LRRC4C: variants seen among roughly 807,000 people sequenced by gnomAD.
LRRC4C encodes leucine rich repeat containing 4C, also known as leucine-rich repeat-containing protein 4C.
Under a neutral mutation model 33.6 loss-of-function variants are expected in LRRC4C, and 5 were observed. The observed-to-expected ratio is 0.15, with a 90% CI of 0.08 to 0.31. The LOEUF is 0.31. LRRC4C is among the 10% of genes least tolerant of loss of function. LRRC4C has a pLI of 1.00. For synonymous variants in LRRC4C, 329 were observed against 302.0 expected, an observed-to-expected ratio of 1.09 and a Z score of -0.93; for missense variants, 560 against 796.7, an observed-to-expected ratio of 0.70 and a Z score of 3.58.
chr11:41,134,022 G>A (rs181267174), intron 1 of LRRC4C, among the ~76,000 whole-genome samples: 278 of 152,202 alleles, frequency 1.8e-3, no homozygotes, highest in African/African-American at 6.4e-3. Flanking sequence ...ACTTACTCAA[G>A]GCTTCTTGGG....
intron 5 of LRRC4C, among the ~76,000 whole-genome samples, chr11:40,180,195 A>G (rs1476381941): frequency 1.3e-5 from 2 of 152,282 alleles, no homozygotes. Context: ...TAACATAATT[A>G]TCAAATCAGC....
At position 41,445,866 on chromosome 11, in the gene LRRC4C, A is replaced by ATGTGTGTGTGTGTCTG. The variant is rs536111711; in HGVS notation, c.-496+13564_-496+13565insCAGACACACACACACA. ...ACAGTGTGTATGAATGAGTGACTGCATGTGTGTGTGTGTGTGTGTGTGTGT... is the reference window on the plus strand; with the variant it reads ...ACAGTGTGTATGAATGAGTGACTGCATGTGTGTGTGTGTCTGTGTGTGTGTGTGTGTGTGTGTGTGT... On this transcript the variant is annotated intron_variant, in intron 1 of 6. Transcript: ENST00000528697. Among the ~76,000 whole-genome samples, 833 of 149,806 alleles carry ATGTGTGTGTGTGTCTG rather than the reference A, an allele frequency of 5.6e-3. 3 individuals carry two copies. Among genetic ancestry groups the ATGTGTGTGTGTGTCTG allele is most frequent in the South Asian group, 0.018 (83 of 4,718 alleles).
At chr11:40,755,811 TAAA>T (rs1232285570) in intron 2 of LRRC4C, among the ~76,000 whole-genome samples, 1 of 152,032 alleles carries the variant, frequency 6.6e-6, no homozygotes, top group Non-Finnish European at 1.5e-5. Context: ...TAAGGCAAAA[TAAA>T]AACAAGATTT....
At chr11:41,142,664 A>T (rs1943559191) in intron 1 of LRRC4C, among the ~76,000 whole-genome samples, 1 of 152,124 alleles carries the variant, frequency 6.6e-6, no homozygotes, top group Admixed American at 6.5e-5. Flanking sequence ...ATTGATGGGT[A>T]TTCATGTTAA....
chr11:40,850,058 T>C (rs1207013532), intron 2 of LRRC4C, among the ~76,000 whole-genome samples: 1 of 151,972 alleles, frequency 6.6e-6, no homozygotes, highest in African/African-American at 2.4e-5. Flanking sequence ...CTTAGCTTCC[T>C]TGCATTGGGT....
At chr11:40,924,249 G>C (rs77766215) in intron 2 of LRRC4C, among the ~76,000 whole-genome samples, 9,256 of 152,030 alleles carry the variant, frequency 0.061, 395 homozygotes, top group Admixed American at 0.15. Flanking sequence ...TAAGGTGAGA[G>C]AATAAGAGTT....
Position 41,270,511 on chromosome 11 carries a change from AGGCAG to A in LRRC4C, c.-496+188915_-496+188919del, listed in dbSNP as rs1176166297. 4.6e-5 allele frequency among the ~76,000 whole-genome samples: 7 copies of A among 152,128 alleles called. No individual in the cohort carries two copies. The East Asian group carries it at 1.4e-3, about 29-fold the overall frequency. ...GGAATAGGCATGGGCCCACTTAAAA[AGGCAG>A]GGTCTGCTCTTGGGGTCTGCCTCTT... On this transcript the variant is annotated intron_variant, in intron 1 of 6. Coordinates refer to ENST00000528697, the MANE Select transcript of LRRC4C (RefSeq NM_001258419.2).
intron 2 of LRRC4C, among the ~76,000 whole-genome samples, chr11:40,861,981 A>G (rs999584514): frequency 1.3e-5 from 2 of 152,128 alleles, no homozygotes; most frequent in African/African-American, 2.4e-5. Context: ...CACCTCTCCT[A>G]TGGGGGATCA....
In LRRC4C at chr11:41,448,973, G is replaced by A. The variant is rs572425506; in HGVS notation, c.-496+10458C>T. Among the ~76,000 whole-genome samples the A allele has an allele frequency of 7.9e-4, 120 of 152,322 alleles. 1 individual carries two copies. Among genetic ancestry groups the A allele is most frequent in the Non-Finnish European group, 1.4e-3 (97 of 68,024 alleles). ...TTTTTAAAAGATACTTACATCTAAT[G>A]ACAGAGAAATGAGATAGTTGTCAAA... On this transcript the variant is annotated intron_variant, in intron 1 of 6. Coordinates refer to ENST00000528697, the MANE Select transcript of LRRC4C (RefSeq NM_001258419.2).
At chr11:40,205,746 G>T (rs1030294593) in intron 5 of LRRC4C, among the ~76,000 whole-genome samples, 3 of 152,010 alleles carry the variant, frequency 2.0e-5, no homozygotes, top group African/African-American at 7.2e-5. Flanking sequence ...AGGTAATCAG[G>T]TTATTTTATT....
At chr11:40,292,138 A>G (rs1048155264) in intron 4 of LRRC4C, 1 of 152,086 alleles carries the variant, frequency 6.6e-6, no homozygotes, top group African/African-American at 2.4e-5. Flanking sequence ...GACCAAGAAC[A>G]CCAAATTAAC....
intron 1 of LRRC4C, among the ~76,000 whole-genome samples, chr11:41,295,349 T>C (rs1259133427): frequency 2.0e-5 from 3 of 151,770 alleles, no homozygotes; most frequent in African/African-American, 7.3e-5. Context: ...CAATATGCGG[T>C]AAAAAAAAGC....
At chr11:40,667,894 G>T (rs11036005) in intron 2 of LRRC4C, among the ~76,000 whole-genome samples, 4,736 of 152,272 alleles carry the variant, frequency 0.031, 231 homozygotes, top group African/African-American at 0.11. Context: ...AGGACTATGA[G>T]ATAATGTCTG....
At chr11:41,451,561 A>C (rs1212000955) in intron 1 of LRRC4C, among the ~76,000 whole-genome samples, 1 of 152,110 alleles carries the variant, frequency 6.6e-6, no homozygotes, top group Non-Finnish European at 1.5e-5. Context: ...CATCCAGGAG[A>C]GTCATGGCAG....
chr11:41,134,898 A>G (rs1385366216), intron 1 of LRRC4C, among the ~76,000 whole-genome samples: 1 of 152,194 alleles, frequency 6.6e-6, no homozygotes, highest in Admixed American at 6.6e-5. Context: ...AACAAAATGA[A>G]TGAACACCAT....
At chr11:40,916,369 G>T (rs1438498561) in intron 2 of LRRC4C, among the ~76,000 whole-genome samples, 1 of 152,200 alleles carries the variant, frequency 6.6e-6, no homozygotes, top group African/African-American at 2.4e-5. Context: ...ATGCAGCCAT[G>T]AAAAATGATG....
intron 1 of LRRC4C, among the ~76,000 whole-genome samples, chr11:41,162,022 T>C (rs185196218): frequency 1.3e-5 from 2 of 152,338 alleles, no homozygotes; most frequent in East Asian, 3.9e-4. Flanking sequence ...ATTCAGGCTA[T>C]AGTCTTGGCT....
At chr11:41,124,742 C>T (rs1034233719) in intron 1 of LRRC4C, among the ~76,000 whole-genome samples, 2 of 152,214 alleles carry the variant, frequency 1.3e-5, no homozygotes, top group African/African-American at 2.4e-5. Flanking sequence ...CTCAGCCTGA[C>T]AATTTTCAAG....
At chr11:40,624,721 T>G (rs985555029) in intron 3 of LRRC4C, among the ~76,000 whole-genome samples, 1 of 152,178 alleles carries the variant, frequency 6.6e-6, no homozygotes, top group African/African-American at 2.4e-5. Flanking sequence ...TTGTAGGGTA[T>G]AGTACAACCC....
Sources: gnomAD v4.1 joint callset for allele counts (sites outside exome capture counted in the v4.1 genomes callset) on GRCh38, gnomAD v4.1.1 for gene constraint, MANE v1.5 for transcripts, NCBI Gene and HGNC (gene_info 2026-07-23, HGNC 2026-07-21) for gene names.